Variants in ZNF496 observed in about 807,000 individuals in gnomAD.
The protein encoded by ZNF496 is zinc finger protein 496.
A neutral mutation model predicts 58.9 loss-of-function variants in ZNF496; 11 were observed. The ratio of observed to expected loss-of-function variants is 0.19; its 90% CI spans 0.12 to 0.31. The LOEUF (loss-of-function observed/expected upper bound fraction) is 0.31, where lower values mean the gene tolerates loss of function less well. Among genes scored for constraint, ZNF496 ranks in the 10% least tolerant of loss-of-function variants. The pLI is 1.00. For synonymous variants in ZNF496, 338 were observed against 318.2 expected, an observed-to-expected ratio of 1.06 and a Z score of -0.66; for missense variants, 660 against 783.0, an observed-to-expected ratio of 0.84 and a Z score of 1.88.
rs1272448152 is a variant in ZNF496 at position 247,299,312 on chromosome 1, G to GC, written c.*1206dup. 2.0e-5 allele frequency: 3 copies of GC among 152,246 alleles called. No individual in the cohort carries two copies. Among genetic ancestry groups the GC allele is most frequent in the Non-Finnish European group, 1.5e-5 (1 of 68,066 alleles). The allele number at this position is 152,246 out of a possible 1,614,324, so 9.4% of individuals were successfully genotyped here. ...AGGTTTGGAGACAGACACGCACACA[G>GC]CAAGAGTGCCATGTGGAGATGAAGG... On this transcript the variant is annotated 3_prime_UTR_variant, in exon 10 of 10. Coordinates refer to ENST00000682384, the MANE Select transcript of ZNF496 (RefSeq NM_032752.3).
intron 6 of ZNF496, chr1:247,310,684 C>T (rs1659573122): frequency 9.5e-6 from 5 of 529,002 alleles, no homozygotes; most frequent in Non-Finnish European, 1.7e-5. Flanking sequence ...CTTCTGTGTC[C>T]TTACATGATG....
intron 9 of ZNF496, among the ~76,000 whole-genome samples, chr1:247,305,815 G>A (rs531152919): frequency 1.3e-5 from 2 of 152,302 alleles, no homozygotes; most frequent in Admixed American, 6.5e-5. Flanking sequence ...GATGGCACAC[G>A]CCTGTAGTCT....
At chr1:247,328,015 AGG>A (rs1399012393) in intron 5 of ZNF496, among the ~76,000 whole-genome samples, 1 of 152,244 alleles carries the variant, frequency 6.6e-6, no homozygotes, top group Non-Finnish European at 1.5e-5. Context: ...ACCCCAAAAA[AGG>A]TAATTACTAT....
chr1:247,327,635 G>C (rs1481172641), intron 5 of ZNF496, among the ~76,000 whole-genome samples: 1 of 152,224 alleles, frequency 6.6e-6, no homozygotes, highest in African/African-American at 2.4e-5. Flanking sequence ...AGTCAATATA[G>C]TTTTTCCACA....
chr1:247,309,658 T>TC lies in ZNF496; in HGVS notation c.892+40dup, dbSNP rs752176208. The TC allele has an allele frequency of 6.2e-7, 1 of 1,608,982 alleles. No homozygotes were observed. The highest frequency in any genetic ancestry group is 1.1e-5 in the South Asian group (1 of 90,194). ...CTCACCTCCGGCTGCCAGCAACCCTTCCCCCTACTCTGTCCACTCAGTTCT... is the reference window on the plus strand; with the variant it reads ...CTCACCTCCGGCTGCCAGCAACCCTTCCCCCCTACTCTGTCCACTCAGTTCT... On this transcript the variant is annotated intron_variant, in intron 8 of 9. Coordinates refer to ENST00000682384, the MANE Select transcript of ZNF496 (RefSeq NM_032752.3). This position sits in a 1 kb window ranked among gnomAD's most constrained non-coding sequence, Gnocchi z 4.3.
chr1:247,309,809 G>T lies in ZNF496; in HGVS notation c.785-3C>A. On this transcript the variant is annotated splice_region_variant and splice_polypyrimidine_tract_variant and intron_variant, in intron 7 of 9. Coordinates refer to ENST00000682384, the MANE Select transcript of ZNF496 (RefSeq NM_032752.3). This position sits in a 1 kb window ranked among gnomAD's most constrained non-coding sequence, Gnocchi z 4.3. ...ATCTGGCTGGGCAGCTAGGTCGTCT[G>T]TTCAAAGAAAAAGGCAGGGTACATG... 6.2e-7 allele frequency: 1 copy of T among 1,614,000 alleles called. No homozygotes were observed. Among genetic ancestry groups the T allele is most frequent in the South Asian group, 1.1e-5 (1 of 91,058 alleles).
At chr1:247,307,311 C>G in intron 9 of ZNF496, 2 of 985,446 alleles carry the variant, frequency 2.0e-6, no homozygotes, top group Non-Finnish European at 2.4e-6. Flanking sequence ...CAGTAGCAAC[C>G]CTTGGCTTCT....
rs1186883061 is a variant in ZNF496, at chr1:247,329,561, G to A, written c.18C>T (p.Cys6=). 64 of 1,561,358 alleles carry A rather than the reference G, an allele frequency of 4.1e-5. No homozygotes were observed. The highest frequency in any genetic ancestry group is 5.2e-5 in the Non-Finnish European group (60 of 1,160,672). ...TTTCCTTCGGAGCCAAGACTCGGGG[G>A]CACAGGGCTGTGGGCATGATGGGAT... MPTAL[C]PRVLAPKESE... The change falls in exon 4 of 10, where the codon TGC becomes TGT. Residue 6 remains cysteine (C), a synonymous_variant. Coordinates refer to ENST00000682384, the MANE Select transcript of ZNF496 (RefSeq NM_032752.3). The surrounding 1 kb of genome is among the most constrained non-coding windows in gnomAD (Gnocchi z 5.5).
At chr1:247,313,867 G>A (rs956720679) in intron 6 of ZNF496, 1 of 152,198 alleles carries the variant, frequency 6.6e-6, no homozygotes, top group African/African-American at 2.4e-5. Context: ...AAAGTGTGTT[G>A]TTGCAGGAAA....
chr1:247,303,762 C>T (rs1483540162), intron 9 of ZNF496, among the ~76,000 whole-genome samples: 1 of 152,086 alleles, frequency 6.6e-6, no homozygotes, highest in Non-Finnish European at 1.5e-5. Flanking sequence ...ATTGTTGTAG[C>T]AAAAAGGAAC....
chr1:247,305,243 C>T (rs1381925663), intron 9 of ZNF496, among the ~76,000 whole-genome samples: 2 of 152,072 alleles, frequency 1.3e-5, no homozygotes, highest in African/African-American at 4.8e-5. Flanking sequence ...CCACTGTTCT[C>T]TAACCTGGGT....
intron 5 of ZNF496, among the ~76,000 whole-genome samples, chr1:247,325,100 AC>A (rs747292847): frequency 2.6e-5 from 4 of 152,160 alleles, no homozygotes; most frequent in Non-Finnish European, 5.9e-5. Flanking sequence ...ATCAAAGCAA[AC>A]CCCAGAGGCC....
chr1:247,307,476 T>C (rs900023244), intron 9 of ZNF496: 2 of 985,282 alleles, frequency 2.0e-6, no homozygotes, highest in Admixed American at 6.1e-5. Flanking sequence ...AGATTCAAAG[T>C]GCACCACAAA....
intron 9 of ZNF496, 152 bp from the exon 10 acceptor site, chr1:247,301,428 G>A: frequency 3.3e-6 from 3 of 895,954 alleles, no homozygotes; most frequent in Non-Finnish European, 3.2e-6. Flanking sequence ...GCCCTGCAGG[G>A]GCCACTGGTG....
At position 247,329,330 on chromosome 1, in the gene ZNF496, C is replaced by T. The variant is rs1359685857; in HGVS notation, c.249G>A (p.Glu83=). Residue 83 remains glutamate, a synonymous_variant, in exon 4 of 10, where the codon GAG becomes GAA. Coordinates refer to ENST00000682384, the MANE Select transcript of ZNF496 (RefSeq NM_032752.3). This position sits in a 1 kb window ranked among gnomAD's most constrained non-coding sequence, Gnocchi z 5.5. ...PERHTKEQIL[E]LLVLEQFLAI... Reference sequence around the variant, plus strand: ...CCAGGAACTGCTCCAGCACCAGCAGCTCCAGAATCTGCTCCTTGGTGTGCC... The same window carrying T: ...CCAGGAACTGCTCCAGCACCAGCAGTTCCAGAATCTGCTCCTTGGTGTGCC... 4.3e-6 allele frequency: 7 copies of T among 1,613,538 alleles called. No individual in the cohort carries two copies. The East Asian group carries it at 1.6e-4, about 36-fold the overall frequency.
chr1:247,328,998 C>G, intron 4 of ZNF496, 132 bp from the exon 5 acceptor site: 1 of 1,375,670 alleles, frequency 7.3e-7, no homozygotes, highest in Non-Finnish European at 9.9e-7. Context: ...TAAAGGGGCA[C>G]GACACTATCA....
intron 5 of ZNF496, among the ~76,000 whole-genome samples, chr1:247,326,089 T>TACACACAC (rs5782421): frequency 6.8e-5 from 10 of 146,352 alleles, no homozygotes; most frequent in Non-Finnish European, 4.4e-5. Flanking sequence ...CACACATATA[T>TACACACAC]ACACACACAT....
At chr1:247,326,063 C>CACACATATATATACACACACACACAT (rs377682056) in intron 5 of ZNF496, among the ~76,000 whole-genome samples, 2 of 145,564 alleles carry the variant, frequency 1.4e-5, no homozygotes, top group Non-Finnish European at 3.0e-5. Flanking sequence ...CACACACACA[C>CACACATATATATACACACACACACAT]ATATATACAC....
chr1:247,305,343 ACT>A (rs1659376207), intron 9 of ZNF496, among the ~76,000 whole-genome samples: 1 of 152,226 alleles, frequency 6.6e-6, no homozygotes. Context: ...CTTAGCAATA[ACT>A]GTACAAGGCA....
Sources: allele counts gnomAD v4.1 joint callset (sites outside exome capture counted in the v4.1 genomes callset), GRCh38; gene constraint gnomAD v4.1.1; non-coding constraint Gnocchi (gnomAD v3.1); transcripts MANE v1.5; gene names NCBI Gene and HGNC (gene_info 2026-07-23, HGNC 2026-07-21).